The following HMCN2 variants were observed in gnomAD, a reference collection of about 807,000 sequenced individuals.
HMCN2 encodes the protein hemicentin-2.
HMCN2 carries 325 observed loss-of-function variants against 377.5 expected under a neutral mutation model. That is an observed-to-expected ratio of 0.86 (90% confidence interval 0.79 to 0.94). HMCN2 has a LOEUF of 0.94. Ranked by LOEUF, HMCN2 falls within the 40% of genes least tolerant of loss-of-function variation. The probability of loss-of-function intolerance (pLI) is 0.00; values close to 1 mark genes in which losing one functional copy is unlikely to be tolerated. For synonymous variants in HMCN2, 2,007 were observed against 2,046.8 expected (o/e 0.98, Z 0.53); for missense variants, 4,543 against 4,725.3 (o/e 0.96, Z 1.13).
chr9:130,402,814 C>T lies in HMCN2; in HGVS notation c.11796C>T (p.Leu3932=). The part of the protein sequence containing the change: ...PSGALEIGQA[L]PIHAGRYTCS... ...GCGCCCTGGAGATCGGGCAGGCCCT[C>T]CCCATCCACGCAGGCCGCTACACCT... is the stretch of plus-strand genomic sequence containing the variant. Residue 3932 remains leucine, a synonymous_variant, in exon 78 of 98, where the codon CTC becomes CTT. Transcript: ENST00000683500. 2 of 1,289,758 alleles carry T rather than the reference C, an allele frequency of 1.6e-6. No homozygotes were observed. Among genetic ancestry groups the T allele is most frequent in the South Asian group, 2.5e-5 (2 of 81,016 alleles). 79.9% of individuals were successfully genotyped at this position (1,289,758 alleles called of 1,614,324 possible).
chr9:130,277,775 T>TCATCATCATCACCACCAC (rs1834793131), intron 1 of HMCN2, among the ~76,000 whole-genome samples: 1 of 74,800 alleles, frequency 1.3e-5, no homozygotes, highest in African/African-American at 5.8e-5. Context: ...ACCACCACCA[T>TCATCATCATCACCACCAC]CATCATCACC....
In HMCN2 at chr9:130,407,656, G is replaced by A. The variant is rs942933262; in HGVS notation, c.12639G>A (p.Ala4213=). 6.7e-5 allele frequency: 86 copies of A among 1,280,666 alleles called. No homozygotes were observed. Among genetic ancestry groups the A allele is most frequent in the Non-Finnish European group, 8.2e-5 (81 of 982,800 alleles). The allele number at this position is 1,280,666 out of a possible 1,614,324, so 79.3% of individuals were successfully genotyped here. Residue 4213 remains alanine (A), a synonymous_variant, in exon 83 of 98, where the codon GCG becomes GCA. Transcript: ENST00000683500. ...ACAGCGGGACCTATGTCTGCTGGGCGGAGAACAGAGTGGGCCGCACGCAGG... is the reference window on the plus strand; with the variant it reads ...ACAGCGGGACCTATGTCTGCTGGGCAGAGAACAGAGTGGGCCGCACGCAGG... ...REDSGTYVCW[A]ENRVGRTQAV...
chr9:130,288,648 G>A (rs1190696259), intron 4 of HMCN2, among the ~76,000 whole-genome samples: 15 of 152,202 alleles, frequency 9.9e-5, no homozygotes, highest in Non-Finnish European at 1.9e-4. Context: ...CCCAAGAGGC[G>A]TCATGCATTC....
intron 96 of HMCN2, 111 bp downstream of exon 96, chr9:130,431,597 A>C: frequency 7.1e-6 from 10 of 1,408,426 alleles, no homozygotes; most frequent in Non-Finnish European, 9.5e-6. Flanking sequence ...CTTCACAACT[A>C]TCCTGTGAGG....
chr9:130,306,461 G>A (rs1414036398), intron 12 of HMCN2, among the ~76,000 whole-genome samples, 191 bp downstream of exon 12: 1 of 152,132 alleles, frequency 6.6e-6, no homozygotes, highest in Non-Finnish European at 1.5e-5. Context: ...TGGGCTCAGC[G>A]CTCAGGAGCT....
At chr9:130,419,245 C>A in intron 86 of HMCN2, 1 of 469,076 alleles carries the variant, frequency 2.1e-6, no homozygotes, top group Non-Finnish European at 3.7e-6. Context: ...GTTTGCTGCT[C>A]ATCTTGGACA....
chr9:130,415,210 G>C (rs1210266141), intron 85 of HMCN2, among the ~76,000 whole-genome samples: 1 of 152,138 alleles, frequency 6.6e-6, no homozygotes, highest in Non-Finnish European at 1.5e-5. Context: ...ATTTAAATAA[G>C]AGCCCAAATC....
chr9:130,327,962 G>A (rs1389290942), intron 22 of HMCN2, among the ~76,000 whole-genome samples: 1 of 152,202 alleles, frequency 6.6e-6, no homozygotes, highest in Non-Finnish European at 1.5e-5. Flanking sequence ...CAGGGAGGAG[G>A]CTGGCTTGGG....
At chr9:130,426,112 A>C (rs529220732) in intron 90 of HMCN2, among the ~76,000 whole-genome samples, 188 bp downstream of exon 90, 196 of 149,968 alleles carry the variant, frequency 1.3e-3, no homozygotes, top group African/African-American at 4.6e-3. Flanking sequence ...TCCACCCCCC[A>C]CTCCTCACAG....
intron 15 of HMCN2, among the ~76,000 whole-genome samples, chr9:130,318,678 CTT>C (rs1251141190): frequency 6.6e-6 from 1 of 152,116 alleles, no homozygotes; most frequent in Non-Finnish European, 1.5e-5. Context: ...ATTAGAATGT[CTT>C]ATAACTCCTG....
chr9:130,372,378 C>A lies in HMCN2; in HGVS notation c.7322C>A (p.Ala2441Glu). Residue 2441 changes from alanine (A) to glutamate (E), a missense_variant, in exon 47 of 98, where the codon GCA (alanine) becomes GAA (glutamate). Physicochemically the swap from Ala to Glu is moderately radical, Grantham distance 107 (BLOSUM62 -1). This residue lies in a region of HMCN2 where 1,032 missense variants were observed against 1,285.1 expected (regional missense o/e 0.80). Transcript: ENST00000683500. ...CTGGCAAGCAACGAGGCTGGGGAGG[C>A]ACGGAGGAACTTCAGTGTGGAGGTG... ...SCLASNEAGE[A>E]RRNFSVEVLV... The A allele has an allele frequency of 1.0e-6, 1 of 985,792 alleles. No individual in the cohort carries two copies. Among genetic ancestry groups the A allele is most frequent in the Non-Finnish European group, 1.2e-6 (1 of 829,940 alleles). 61.1% of individuals were successfully genotyped at this position (985,792 alleles called of 1,614,324 possible).
chr9:130,358,257 C>T, intron 35 of HMCN2, 133 bp from the exon 36 acceptor site: 3 of 1,078,494 alleles, frequency 2.8e-6, no homozygotes, highest in Non-Finnish European at 3.7e-6. Flanking sequence ...GCTCATAACT[C>T]TACCTCCAGA....
At chr9:130,305,606 A>C (rs1836806052) in intron 11 of HMCN2, among the ~76,000 whole-genome samples, 1 of 152,132 alleles carries the variant, frequency 6.6e-6, no homozygotes, top group Non-Finnish European at 1.5e-5. Context: ...TGCAGGAAGG[A>C]GGGAATCCAC....
chr9:130,418,705 G>T, intron 85 of HMCN2, 67 bp from the exon 86 acceptor site: 1 of 1,307,504 alleles, frequency 7.6e-7, no homozygotes, highest in South Asian at 2.2e-5. Context: ...GTGTCTAAAT[G>T]AACATATCCC....
Position 130,428,244 on chromosome 9 carries a change from A to G in HMCN2, c.14066-114A>G, listed in dbSNP as rs1280375763. The G allele has an allele frequency of 1.6e-6, 2 of 1,273,610 alleles. No individual in the cohort carries two copies. The highest frequency in any genetic ancestry group is 2.1e-6 in the Non-Finnish European group (2 of 957,668). The allele number at this position is 1,273,610 out of a possible 1,614,324, so 78.9% of individuals were successfully genotyped here. A position where few individuals can be genotyped will look rare whatever the true frequency, so the allele number is the denominator to read the frequency against. Reference sequence around the variant, plus strand: ...CAGAAGGGGTGGGGACCTTCCTGCCAGTGGCTCCTGGGCCTGCGGACGAAG... The same window carrying G: ...CAGAAGGGGTGGGGACCTTCCTGCCGGTGGCTCCTGGGCCTGCGGACGAAG... On this transcript the variant is annotated intron_variant, in intron 92 of 97. Transcript: ENST00000683500. This position sits in a 1 kb window ranked among gnomAD's most constrained non-coding sequence, Gnocchi z 5.0.
intron 87 of HMCN2, 51 bp from the exon 88 acceptor site, chr9:130,424,725 G>T: frequency 6.9e-7 from 1 of 1,456,318 alleles, no homozygotes; most frequent in Non-Finnish European, 9.1e-7. Context: ...ACAGGAGGTG[G>T]CTGCCCTGAG....
rs10659347 is a variant in HMCN2 at position 130,371,414 on chromosome 9, G to GAAAA, written c.7237+292_7237+295dup. On this transcript the variant is annotated intron_variant, in intron 46 of 97. Coordinates refer to ENST00000683500, the MANE Select transcript of HMCN2 (RefSeq NM_001291815.2). ...AGCAAAGGTTCTGATAAGTCCTGCA[G>GAAAA]AAAAAAAAAAAACAAACTTTGGCAC... 3.3e-3 allele frequency among the ~76,000 whole-genome samples: 480 copies of GAAAA among 147,014 alleles called. 3 individuals are homozygous for GAAAA. Among genetic ancestry groups the GAAAA allele is most frequent in the African/African-American group, 9.9e-3 (389 of 39,404 alleles).
intron 61 of HMCN2, among the ~76,000 whole-genome samples, chr9:130,388,004 A>G (rs1403315950): frequency 2.6e-5 from 4 of 152,216 alleles, no homozygotes; most frequent in African/African-American, 4.8e-5. Flanking sequence ...ACATTGATGA[A>G]CAGTGGAAAG....
chr9:130,306,669 A>G (rs1564769359), intron 12 of HMCN2, 142 bp from the exon 13 acceptor site: 2 of 339,602 alleles, frequency 5.9e-6, no homozygotes, highest in African/African-American at 2.2e-5. Context: ...TTAAATTTAC[A>G]TAAAGTGCTT....
Sources: gnomAD v4.1 joint callset for allele counts (sites outside exome capture counted in the v4.1 genomes callset) on GRCh38, gnomAD v4.1.1 for gene constraint, gnomAD v4.1.1 regional missense constraint, Gnocchi (gnomAD v3.1) non-coding constraint, MANE v1.5 for transcripts, NCBI Gene and HGNC (gene_info 2026-07-23, HGNC 2026-07-21) for gene names.